Variants in KCNH8 observed in about 807,000 individuals in gnomAD.
KCNH8 encodes the protein voltage-gated delayed rectifier potassium channel KCNH8.
In KCNH8, 70 loss-of-function variants were observed where a neutral mutation model predicts 103.6. The ratio of observed to expected loss-of-function variants is 0.68; its 90% CI spans 0.56 to 0.82. The LOEUF is 0.82. KCNH8 is among the 40% of genes least tolerant of loss of function. KCNH8 has a pLI of 0.00. For missense variants in KCNH8, 1,217 were observed against 1,329.9 expected (o/e 0.92, Z 1.32); for synonymous variants, 498 against 489.4 (o/e 1.02, Z -0.23).
intron 11 of KCNH8, among the ~76,000 whole-genome samples, chr3:19,491,693 G>C (rs556213039): frequency 4.8e-4 from 73 of 152,126 alleles, no homozygotes; most frequent in Admixed American, 7.2e-4. Context: ...ATTTTCCTTT[G>C]GGTATGCGCC....
At chr3:19,174,033 A>G (rs1470472193) in intron 1 of KCNH8, among the ~76,000 whole-genome samples, 1 of 150,488 alleles carries the variant, frequency 6.6e-6, no homozygotes, top group Non-Finnish European at 1.5e-5. Flanking sequence ...TTGCCTCTCC[A>G]GCTCACCACC....
chr3:19,351,479 C>G (rs12330435), intron 5 of KCNH8, among the ~76,000 whole-genome samples: 7,726 of 152,104 alleles, frequency 0.051, 310 homozygotes, highest in East Asian at 0.11. Context: ...TAAAGGCAAC[C>G]AGAGAGAAAG....
intron 5 of KCNH8, 77 bp downstream of exon 5, chr3:19,348,042 T>G: frequency 3.3e-6 from 5 of 1,537,942 alleles, no homozygotes; most frequent in Non-Finnish European, 4.4e-6. Context: ...CTGACATGAA[T>G]TTGAACTAAG....
chr3:19,207,318 AAATAC>A (rs1404597587), intron 1 of KCNH8, among the ~76,000 whole-genome samples: 1 of 152,050 alleles, frequency 6.6e-6, no homozygotes, highest in Non-Finnish European at 1.5e-5. Context: ...TTTGAGCAGA[AAATAC>A]AATACTATAT....
intron 11 of KCNH8, among the ~76,000 whole-genome samples, chr3:19,498,593 C>T (rs2068500267): frequency 1.3e-5 from 2 of 152,206 alleles, no homozygotes; most frequent in Non-Finnish European, 2.9e-5. Context: ...CAAAGTCATT[C>T]TCCATCCAGC....
chr3:19,161,720 T>C (rs2063236236), intron 1 of KCNH8, among the ~76,000 whole-genome samples: 1 of 152,178 alleles, frequency 6.6e-6, no homozygotes, highest in Admixed American at 6.5e-5. Flanking sequence ...TAAATTTTTG[T>C]AGAGCACAGT....
intron 3 of KCNH8, among the ~76,000 whole-genome samples, chr3:19,315,115 C>T (rs1416382722): frequency 6.6e-6 from 1 of 151,974 alleles, no homozygotes; most frequent in Admixed American, 6.6e-5. Flanking sequence ...CTCCTCCATT[C>T]TCATCACAAA....
intron 1 of KCNH8, among the ~76,000 whole-genome samples, chr3:19,223,303 C>G (rs944379575): frequency 2.6e-5 from 4 of 152,142 alleles, no homozygotes; most frequent in Non-Finnish European, 4.4e-5. Context: ...TTACCTACCT[C>G]TCTCCTTTAT....
rs565744148 is a variant in KCNH8 at position 19,253,875 on chromosome 3, T to C, written c.298T>C (p.Tyr100His). The change falls in exon 2 of 16, where the codon TAC becomes CAC. Residue 100 changes from tyrosine to histidine, a missense_variant. Tyr to His is a moderately conservative substitution (Grantham distance 83). This residue lies in a region of KCNH8 where 244 missense variants were observed against 256.8 expected (regional missense o/e 0.95). Transcript: ENST00000328405. ...AGAATTCAAAGGAGAAATTATGTTC[T>C]ACAAGAAAAACGGTGAGTTGGCTTT... is the stretch of plus-strand genomic sequence containing the variant. ...KTEFKGEIMF[Y>H]KKNGSPFWCL... is the part of the protein sequence containing the mutation. The C allele has an allele frequency of 1.3e-4, 210 of 1,612,008 alleles. 3 individuals carry two copies. The South Asian group carries it at 2.2e-3, about 17-fold the overall frequency.
At chr3:19,471,493 C>T (rs2067855009) in intron 11 of KCNH8, among the ~76,000 whole-genome samples, 1 of 152,186 alleles carries the variant, frequency 6.6e-6, no homozygotes, top group Non-Finnish European at 1.5e-5. Context: ...GCCACACACT[C>T]ACGACAAAGG....
intron 7 of KCNH8, among the ~76,000 whole-genome samples, chr3:19,417,933 G>T (rs1387057460): frequency 6.6e-6 from 1 of 152,050 alleles, no homozygotes; most frequent in Non-Finnish European, 1.5e-5. Flanking sequence ...TCCTTTAAAT[G>T]TATTCTCATT....
chr3:19,327,723 G>T (rs1318751232), intron 3 of KCNH8, among the ~76,000 whole-genome samples: 1 of 152,210 alleles, frequency 6.6e-6, no homozygotes, highest in Non-Finnish European at 1.5e-5. Context: ...TATAAGGAGT[G>T]AGTGTTGTCA....
chr3:19,261,418 C>T (rs1450734562), intron 2 of KCNH8, among the ~76,000 whole-genome samples: 3 of 151,640 alleles, frequency 2.0e-5, no homozygotes, highest in Non-Finnish European at 4.4e-5. Context: ...TATTCAAGTC[C>T]TTTGCTTATT....
chr3:19,278,634 T>C (rs971403792), intron 2 of KCNH8, among the ~76,000 whole-genome samples: 7 of 152,108 alleles, frequency 4.6e-5, no homozygotes, highest in African/African-American at 1.7e-4. Context: ...CATAAACTTT[T>C]TTGTCATATA....
At chr3:19,240,154 C>G (rs115856616) in intron 1 of KCNH8, among the ~76,000 whole-genome samples, 3,448 of 152,216 alleles carry the variant, frequency 0.023, 125 homozygotes, top group African/African-American at 0.078. Flanking sequence ...CTACTCTTTT[C>G]AGGCTCATTT....
At chr3:19,457,305 G>T (rs1235043495) in intron 11 of KCNH8, among the ~76,000 whole-genome samples, 2 of 151,874 alleles carry the variant, frequency 1.3e-5, no homozygotes, top group African/African-American at 4.8e-5. Flanking sequence ...AGAATTTAAA[G>T]ATTTCCAGAT....
intron 3 of KCNH8, among the ~76,000 whole-genome samples, chr3:19,299,460 A>G (rs760810473): frequency 1.5e-4 from 23 of 152,018 alleles, no homozygotes; most frequent in Non-Finnish European, 3.1e-4. Flanking sequence ...TGAGACCCCC[A>G]TCTCCGAAAA....
chr3:19,250,977 A>G (rs1168789435), intron 1 of KCNH8, among the ~76,000 whole-genome samples: 2 of 152,192 alleles, frequency 1.3e-5, no homozygotes, highest in Non-Finnish European at 2.9e-5. Context: ...AAGTGCATTA[A>G]AAGCTTTTTT....
At chr3:19,485,169 C>T (rs1013684164) in intron 11 of KCNH8, among the ~76,000 whole-genome samples, 2 of 152,136 alleles carry the variant, frequency 1.3e-5, no homozygotes, top group Non-Finnish European at 2.9e-5. Context: ...TGAGCCGATT[C>T]GTAAGGGCAG....
Sources: gnomAD v4.1 joint callset for allele counts (sites outside exome capture counted in the v4.1 genomes callset) on GRCh38, gnomAD v4.1.1 for gene constraint, gnomAD v4.1.1 regional missense constraint, MANE v1.5 for transcripts, NCBI Gene and HGNC (gene_info 2026-07-23, HGNC 2026-07-21) for gene names.